Variants in SUMF1 observed in about 807,000 individuals in gnomAD.
SUMF1 encodes sulfatase modifying factor 1, also known as formylglycine-generating enzyme.
Under a neutral mutation model 47.6 loss-of-function variants are expected in SUMF1, and 48 were observed. The observed-to-expected ratio is 1.01, with a 90% CI of 0.80 to 1.28. The LOEUF (loss-of-function observed/expected upper bound fraction) is 1.28. Ranked by LOEUF, SUMF1 falls within the 50% of genes most tolerant of loss-of-function variation. The pLI, the probability that SUMF1 is intolerant of heterozygous loss-of-function variation, is 0.00. For missense variants in SUMF1, 571 were observed against 485.4 expected, an observed-to-expected ratio of 1.18 and a Z score of -1.66; for synonymous variants, 230 against 192.1, an observed-to-expected ratio of 1.20 and a Z score of -1.63.
chr3:4,466,919 C>T, intron 1 of SUMF1, 57 bp downstream of exon 1: 1 of 1,584,896 alleles, frequency 6.3e-7, no homozygotes, highest in Non-Finnish European at 8.6e-7. Context: ...TTGCCTACTC[C>T]AACCCCGTCC....
intron 8 of SUMF1, chr3:4,303,666 G>T (rs1195859325): frequency 6.8e-7 from 1 of 1,480,236 alleles, no homozygotes; most frequent in African/African-American, 1.4e-5. Context: ...GCGGGAATAG[G>T]TGTGCATGCC....
At chr3:4,118,170 C>G (rs559799818) in intron 8 of SUMF1, among the ~76,000 whole-genome samples, 16 of 151,942 alleles carry the variant, frequency 1.1e-4, no homozygotes, top group Non-Finnish European at 2.4e-4. Context: ...CTCCTGAGTT[C>G]TCTTTGTACT....
chr3:4,316,985 A>G (rs1207064087), intron 8 of SUMF1: 5 of 1,549,300 alleles, frequency 3.2e-6, no homozygotes, highest in Non-Finnish European at 8.7e-7. Flanking sequence ...CACAACCCAC[A>G]CTTCAAAAGT....
chr3:4,134,181 C>T (rs1273844417), intron 8 of SUMF1, among the ~76,000 whole-genome samples: 1 of 152,120 alleles, frequency 6.6e-6, no homozygotes, highest in African/African-American at 2.4e-5. Flanking sequence ...TTCAGCACTA[C>T]ACCACAAATA....
In SUMF1 at chr3:4,365,845, T is replaced by C. The variant is rs572012619; in HGVS notation, c.1015-3591A>G. On this transcript the variant is annotated intron_variant, in intron 8 of 8. Transcript: ENST00000272902. Reference sequence around the variant, plus strand: ...TTTACAATTTGGCATGATTTTGCAGTGGCTGGTACCGGTTGTTCCTTTCCA... The same window carrying C: ...TTTACAATTTGGCATGATTTTGCAGCGGCTGGTACCGGTTGTTCCTTTCCA... 1.3e-3 allele frequency among the ~76,000 whole-genome samples: 191 copies of C among 152,260 alleles called. 1 individual carries two copies. Among genetic ancestry groups the C allele is most frequent in the Admixed American group, 4.4e-3 (67 of 15,284 alleles).
chr3:4,287,591 T>G (rs969904676), intron 8 of SUMF1, among the ~76,000 whole-genome samples: 1 of 152,118 alleles, frequency 6.6e-6, no homozygotes, highest in Non-Finnish European at 1.5e-5. Flanking sequence ...TTCACAAAGA[T>G]AGGACCTCAC....
chr3:4,131,974 G>A, intron 8 of SUMF1, among the ~76,000 whole-genome samples: 1 of 152,240 alleles, frequency 6.6e-6, no homozygotes. Flanking sequence ...GCTACAGCCA[G>A]TGCTGAGTGC....
chr3:4,111,731 C>T (rs1693311679), intron 8 of SUMF1, among the ~76,000 whole-genome samples: 1 of 151,736 alleles, frequency 6.6e-6, no homozygotes, highest in Admixed American at 6.6e-5. Flanking sequence ...GAGCTAGACA[C>T]CGTCTAAAAA....
intron 8 of SUMF1, among the ~76,000 whole-genome samples, chr3:4,119,212 C>T (rs1693485608): frequency 6.6e-6 from 1 of 152,156 alleles, no homozygotes; most frequent in African/African-American, 2.4e-5. Flanking sequence ...ATTGTCACTA[C>T]CTTATCTTAG....
chr3:4,303,236 G>C, intron 8 of SUMF1: 1 of 942,478 alleles, frequency 1.1e-6, no homozygotes, highest in Non-Finnish European at 1.5e-6. Flanking sequence ...AGGAAGGGAA[G>C]CGCCTTCCAG....
intron 8 of SUMF1, among the ~76,000 whole-genome samples, chr3:4,209,027 A>G (rs1695716731): frequency 6.6e-6 from 1 of 152,058 alleles, no homozygotes; most frequent in South Asian, 2.1e-4. Flanking sequence ...GTTCTCTCCT[A>G]TCTGTTTTCT....
At chr3:4,398,419 T>C (rs1575174218) in intron 7 of SUMF1, among the ~76,000 whole-genome samples, 1 of 152,248 alleles carries the variant, frequency 6.6e-6, no homozygotes, top group Admixed American at 6.5e-5. Flanking sequence ...CACAGCATAA[T>C]TTGGTAACAA....
chr3:4,182,570 T>A (rs1195357761), intron 8 of SUMF1, among the ~76,000 whole-genome samples: 1 of 152,038 alleles, frequency 6.6e-6, no homozygotes, highest in African/African-American at 2.4e-5. Context: ...AGAGCTAGAA[T>A]AGTTCAATAG....
At chr3:4,249,875 G>C (rs147207892) in intron 8 of SUMF1, among the ~76,000 whole-genome samples, 1 of 152,136 alleles carries the variant, frequency 6.6e-6, no homozygotes, top group Non-Finnish European at 1.5e-5. Flanking sequence ...ACACACAAAT[G>C]ATAAGAATGC....
chr3:4,287,400 T>C (rs1184965355), intron 8 of SUMF1, among the ~76,000 whole-genome samples: 2 of 113,550 alleles, frequency 1.8e-5, no homozygotes, highest in African/African-American at 3.8e-5. Flanking sequence ...ATAATGAACA[T>C]AAATTGTAAA....
At chr3:4,067,551 G>A (rs1695405724) in intron 9 of SUMF1, among the ~76,000 whole-genome samples, 2 of 152,102 alleles carry the variant, frequency 1.3e-5, no homozygotes, top group Admixed American at 1.3e-4. Flanking sequence ...AGCAATATTG[G>A]GACAGATAAG....
intron 8 of SUMF1, among the ~76,000 whole-genome samples, chr3:4,287,548 G>A (rs1697657615): frequency 6.6e-6 from 1 of 152,054 alleles, no homozygotes; most frequent in African/African-American, 2.4e-5. Flanking sequence ...ACTGGTATTT[G>A]CTTAGTATTA....
chr3:4,310,854 A>C (rs897852413), intron 8 of SUMF1, among the ~76,000 whole-genome samples: 5 of 152,212 alleles, frequency 3.3e-5, no homozygotes, highest in African/African-American at 1.2e-4. Context: ...TCAACTTAAA[A>C]GTTTAACATG....
rs1214297540 is a variant in SUMF1, at chr3:4,084,330, G to A, written c.1015-15585C>T. Among the ~76,000 whole-genome samples, 3 of 152,114 alleles carry A rather than the reference G, an allele frequency of 2.0e-5. No individual in the cohort carries two copies. The East Asian group carries it at 5.8e-4, about 29-fold the overall frequency. On this transcript the variant is annotated intron_variant and NMD_transcript_variant, in intron 8 of 12. Transcript: ENST00000448413. ...GAGGCTACTCAGGAGTAGATGTTTT[G>A]AGAAATGTTGTAATTTCCCAAAATG...
Sources: gnomAD v4.1 joint callset for allele counts (sites outside exome capture counted in the v4.1 genomes callset) on GRCh38, gnomAD v4.1.1 for gene constraint, MANE v1.5 for transcripts, NCBI Gene and HGNC (gene_info 2026-07-23, HGNC 2026-07-21) for gene names.